The following PRKD1 variants were observed in gnomAD, a reference collection of about 807,000 sequenced individuals.
PRKD1 encodes serine/threonine-protein kinase D1.
In PRKD1, 63 loss-of-function variants were observed where a neutral mutation model predicts 95.9. The ratio of observed to expected loss-of-function variants is 0.66; its 90% CI spans 0.54 to 0.81. The LOEUF (loss-of-function observed/expected upper bound fraction) is 0.81, where lower values mean the gene tolerates loss of function less well. Ranked by LOEUF, PRKD1 falls within the 30% of genes least tolerant of loss-of-function variation. The pLI is 0.00. For missense variants in PRKD1, 1,048 were observed against 1,165.3 expected, an observed-to-expected ratio of 0.90 and a Z score of 1.47; for synonymous variants, 425 against 423.1, an observed-to-expected ratio of 1.00 and a Z score of -0.05.
chr14:29,624,354 CAT>C, intron 12 of PRKD1, 96 bp from the exon 13 acceptor site: 1 of 715,562 alleles, frequency 1.4e-6, no homozygotes, highest in Non-Finnish European at 2.2e-6. Flanking sequence ...AAATGATAAA[CAT>C]ATTTCACTGA....
At chr14:29,769,966 A>G (rs941490101) in intron 1 of PRKD1, among the ~76,000 whole-genome samples, 39 of 152,178 alleles carry the variant, frequency 2.6e-4, no homozygotes, top group African/African-American at 9.2e-4. Context: ...TGGAACCTTG[A>G]GGAGGTGATT....
rs909944099 is a variant in PRKD1, at chr14:29,638,494, T to C, written c.980A>G (p.Asn327Ser). The C allele has an allele frequency of 1.2e-6, 2 of 1,613,978 alleles. No homozygotes were observed. Among genetic ancestry groups the C allele is most frequent in the Non-Finnish European group, 1.7e-6 (2 of 1,179,924 alleles). ...ACAGCTGATCTTTTACCTACCTCCA[T>C]TAATGGTCACTTCGCCAAGGCAGTT... ...PNNCLGEVTINGDLLSPGAES... is the reference protein window; with the variant it reads ...PNNCLGEVTISGDLLSPGAES... The change falls in exon 6 of 18, where the codon AAT becomes AGT. Residue 327 changes from asparagine (N) to serine (S), a missense_variant. Asn to Ser is a conservative substitution (Grantham distance 46, BLOSUM62 1). This residue lies in a region of PRKD1 where 739 missense variants were observed against 861.9 expected (regional missense o/e 0.86). Transcript: ENST00000331968.
In PRKD1 at chr14:29,794,257, A is replaced by T. The variant is rs371588577; in HGVS notation, c.265-68583T>A. The stretch of plus-strand genomic sequence containing the variant: ...TATTTAGCAGAATATACTTTATTAT[A>T]TAAATTATTATATTCTTTTTAAAGT... On this transcript the variant is annotated intron_variant, in intron 1 of 17. Transcript: ENST00000331968. Among the ~76,000 whole-genome samples the T allele has an allele frequency of 3.4e-4, 51 of 151,814 alleles. 1 individual carries two copies. The South Asian group carries it at 9.9e-3, about 30-fold the overall frequency.
chr14:29,902,623 T>G (rs1894356604), intron 1 of PRKD1, among the ~76,000 whole-genome samples: 1 of 152,236 alleles, frequency 6.6e-6, no homozygotes, highest in Non-Finnish European at 1.5e-5. Flanking sequence ...TATGGAGCCT[T>G]GCTTAATAAA....
chr14:29,849,140 G>C (rs760037307), intron 1 of PRKD1, among the ~76,000 whole-genome samples: 24 of 152,154 alleles, frequency 1.6e-4, no homozygotes, highest in Non-Finnish European at 2.9e-4. Context: ...TTGGATCATG[G>C]GGGCAGACTT....
At chr14:29,633,885 T>C (rs568297270) in intron 8 of PRKD1, among the ~76,000 whole-genome samples, 1 of 152,324 alleles carries the variant, frequency 6.6e-6, no homozygotes, top group Non-Finnish European at 1.5e-5. Context: ...ATCAGTCAAT[T>C]GTCAACTTAA....
intron 1 of PRKD1, among the ~76,000 whole-genome samples, chr14:29,748,851 C>A (rs1262295203): frequency 6.6e-6 from 1 of 152,068 alleles, no homozygotes; most frequent in Non-Finnish European, 1.5e-5. Context: ...TTAAAACATT[C>A]TGAATGAATG....
At chr14:29,718,014 A>G (rs958885459) in intron 2 of PRKD1, among the ~76,000 whole-genome samples, 1 of 152,198 alleles carries the variant, frequency 6.6e-6, no homozygotes. Flanking sequence ...TGCACCAAGC[A>G]CAATATCCCT....
rs533520033 is a variant in PRKD1 at position 29,865,988 on chromosome 14, G to A, written c.264+61261C>T. 3.3e-5 allele frequency among the ~76,000 whole-genome samples: 5 copies of A among 152,160 alleles called. No homozygotes were observed. In the South Asian group the frequency reaches 6.2e-4, roughly 19 times the overall value. On this transcript the variant is annotated intron_variant, in intron 1 of 17. Coordinates refer to ENST00000331968, the MANE Select transcript of PRKD1 (RefSeq NM_002742.3). ...ACCTAGAAAGATTGTCTTGCACTCA[G>A]TATTCTTTGAATATAATTTTTAAAA...
At chr14:29,632,648 G>T (rs913761434) in intron 9 of PRKD1, among the ~76,000 whole-genome samples, 1 of 151,752 alleles carries the variant, frequency 6.6e-6, no homozygotes, top group African/African-American at 2.4e-5. Context: ...CATGGTACCA[G>T]AAACACTCCC....
At chr14:29,707,686 C>G (rs760259975) in intron 2 of PRKD1, among the ~76,000 whole-genome samples, 3 of 152,164 alleles carry the variant, frequency 2.0e-5, no homozygotes, top group Non-Finnish European at 4.4e-5. Context: ...TAGGGCAGAA[C>G]CTCCAATTCA....
chr14:29,630,284 C>T (rs1226801594), intron 10 of PRKD1, among the ~76,000 whole-genome samples: 2 of 151,970 alleles, frequency 1.3e-5, no homozygotes, highest in African/African-American at 2.4e-5. Context: ...GGACCACAGG[C>T]GCATGACACT....
Position 29,607,720 on chromosome 14 carries a change from T to G in PRKD1, c.1906-7903A>C, listed in dbSNP as rs143135237. On this transcript the variant is annotated intron_variant, in intron 13 of 17. Coordinates refer to ENST00000331968, the MANE Select transcript of PRKD1 (RefSeq NM_002742.3). ...AAGGTACTGTGCTTTTAGGGGCTCA[T>G]GTCATTAGATTGAGCACACCTGAAT... Among the ~76,000 whole-genome samples the G allele has an allele frequency of 2.0e-3, 312 of 152,314 alleles. 1 individual carries two copies. The highest frequency in any genetic ancestry group is 6.8e-3 in the African/African-American group (283 of 41,586).
Position 29,578,333 on chromosome 14 carries a change from T to G in PRKD1, c.2462A>C (p.Gln821Pro). 6.2e-7 allele frequency: 1 copy of G among 1,611,024 alleles called. No individual in the cohort carries two copies. Among genetic ancestry groups the G allele is most frequent in the Non-Finnish European group, 8.5e-7 (1 of 1,178,700 alleles). ...EAIDLINNLLQVKMRKRYSVD... is the reference protein window; with the variant it reads ...EAIDLINNLLPVKMRKRYSVD... Reference sequence around the variant, plus strand: ...ACTGTAGCGCTTTCTCATTTTTACTTGCAGCAAATTGTTGATAAGATCAAT... The same window carrying G: ...ACTGTAGCGCTTTCTCATTTTTACTGGCAGCAAATTGTTGATAAGATCAAT... The change falls in exon 17 of 18, where the codon CAA (glutamine) becomes CCA (proline). Residue 821 changes from glutamine to proline, a missense_variant. Transcript: ENST00000331968.
Position 29,602,452 on chromosome 14 carries a change from C to T in PRKD1, c.1906-2635G>A, listed in dbSNP as rs1250324126. Among the ~76,000 whole-genome samples, 11 of 139,934 alleles carry T rather than the reference C, an allele frequency of 7.9e-5. No homozygotes were observed. In the East Asian group the frequency reaches 1.0e-3, roughly 13 times the overall value. The allele number at this position is 139,934 out of a possible 152,430, so 91.8% of individuals were successfully genotyped here. ...CTTTTTTTTTTTTTTTTTGTTTTGA[C>T]GGAGTTTCACTCTTATTGCCCAGGT... is the stretch of plus-strand genomic sequence containing the variant. On this transcript the variant is annotated intron_variant, in intron 13 of 17. Transcript: ENST00000331968.
chr14:29,764,596 C>T (rs1365815041), intron 1 of PRKD1, among the ~76,000 whole-genome samples: 2 of 152,142 alleles, frequency 1.3e-5, no homozygotes, highest in Non-Finnish European at 1.5e-5. Flanking sequence ...GTAGCTGCAT[C>T]CTCATGGGCA....
At chr14:29,736,692 C>T (rs1388978755) in intron 1 of PRKD1, among the ~76,000 whole-genome samples, 1 of 152,188 alleles carries the variant, frequency 6.6e-6, no homozygotes, top group Non-Finnish European at 1.5e-5. Flanking sequence ...ATATGGCCAA[C>T]AATCCAGGCA....
At chr14:29,739,665 C>T (rs1156438787) in intron 1 of PRKD1, among the ~76,000 whole-genome samples, 1 of 152,154 alleles carries the variant, frequency 6.6e-6, no homozygotes, top group Non-Finnish European at 1.5e-5. Flanking sequence ...ATAACTGGAA[C>T]TCGCTTAACC....
At chr14:29,874,250 G>A (rs1027446609) in intron 1 of PRKD1, among the ~76,000 whole-genome samples, 1 of 152,152 alleles carries the variant, frequency 6.6e-6, no homozygotes, top group Admixed American at 6.5e-5. Context: ...CTAAGCATCA[G>A]GGAAATGCAA....
Sources: gnomAD v4.1 joint callset for allele counts (sites outside exome capture counted in the v4.1 genomes callset) on GRCh38, gnomAD v4.1.1 for gene constraint, gnomAD v4.1.1 regional missense constraint, MANE v1.5 for transcripts, NCBI Gene and HGNC (gene_info 2026-07-23, HGNC 2026-07-21) for gene names.